ASTN2: variants seen among roughly 807,000 people sequenced by gnomAD.
ASTN2 encodes the protein astrotactin-2.
Under a neutral mutation model 139.8 loss-of-function variants are expected in ASTN2, and 54 were observed. The observed-to-expected ratio is 0.39, with a 90% CI of 0.31 to 0.48. The LOEUF is 0.48. Among genes scored for constraint, ASTN2 ranks in the 20% least tolerant of loss-of-function variants. The pLI is 0.95. For synonymous variants in ASTN2, 756 were observed against 719.5 expected, an observed-to-expected ratio of 1.05 and a Z score of -0.81; for missense variants, 1,565 against 1,725.1, an observed-to-expected ratio of 0.91 and a Z score of 1.64.
chr9:116,951,150 C>G (rs1169976999), intron 10 of ASTN2, among the ~76,000 whole-genome samples: 1 of 151,780 alleles, frequency 6.6e-6, no homozygotes, highest in African/African-American at 2.4e-5. Flanking sequence ...CCACCCTGAC[C>G]AACATGGAGA....
intron 13 of ASTN2, among the ~76,000 whole-genome samples, chr9:116,762,328 C>T (rs990024450): frequency 1.4e-4 from 22 of 152,204 alleles, no homozygotes; most frequent in Non-Finnish European, 8.8e-5. Flanking sequence ...GTTTCCACAT[C>T]TCTGAAATGG....
At chr9:116,529,311 A>C (rs1425361476) in intron 19 of ASTN2, among the ~76,000 whole-genome samples, 1 of 152,052 alleles carries the variant, frequency 6.6e-6, no homozygotes, top group Non-Finnish European at 1.5e-5. Flanking sequence ...TTAAGATTTA[A>C]TGACTGTCCT....
In ASTN2 at chr9:117,095,579, C is replaced by A. The variant is rs189173264; in HGVS notation, c.1276+465G>T. On this transcript the variant is annotated intron_variant, in intron 5 of 22. Coordinates refer to ENST00000313400, the MANE Select transcript of ASTN2 (RefSeq NM_001365068.1). ...CAAATGCTTGATTCTTTCCCATTAACCCTGTACATTTTATTTCTGAGTATG... is the reference window on the plus strand; with the variant it reads ...CAAATGCTTGATTCTTTCCCATTAAACCTGTACATTTTATTTCTGAGTATG... 8.5e-5 allele frequency among the ~76,000 whole-genome samples: 13 copies of A among 152,278 alleles called. No homozygotes were observed. The East Asian group carries it at 2.3e-3, about 27-fold the overall frequency.
chr9:117,249,457 T>C (rs1449680435), intron 2 of ASTN2, among the ~76,000 whole-genome samples: 1 of 152,206 alleles, frequency 6.6e-6, no homozygotes, highest in Non-Finnish European at 1.5e-5. Flanking sequence ...CCATTTAAGA[T>C]CATTTTGCCC....
At chr9:117,372,322 G>A (rs1041377690) in intron 1 of ASTN2, among the ~76,000 whole-genome samples, 2 of 152,122 alleles carry the variant, frequency 1.3e-5, no homozygotes, top group African/African-American at 4.8e-5. Flanking sequence ...AGGAGCCTAA[G>A]TCAATGATCA....
At chr9:117,264,331 T>A (rs1588145027) in intron 2 of ASTN2, among the ~76,000 whole-genome samples, 1 of 152,216 alleles carries the variant, frequency 6.6e-6, no homozygotes, top group East Asian at 1.9e-4. Context: ...ACAGGATTTG[T>A]ATTCAGACAA....
chr9:116,596,039 G>A (rs991970784), intron 19 of ASTN2, among the ~76,000 whole-genome samples: 1 of 152,082 alleles, frequency 6.6e-6, no homozygotes, highest in Non-Finnish European at 1.5e-5. Flanking sequence ...AGTGTGCATC[G>A]ACAAATAAAT....
intron 4 of ASTN2, among the ~76,000 whole-genome samples, chr9:117,130,418 C>CT (rs1358179203): frequency 1.3e-5 from 2 of 152,132 alleles, no homozygotes; most frequent in Non-Finnish European, 2.9e-5. Flanking sequence ...TTATCTTTCA[C>CT]TTTTTCCTTG....
intron 13 of ASTN2, among the ~76,000 whole-genome samples, chr9:116,758,678 C>A (rs1439572182): frequency 1.3e-5 from 2 of 152,130 alleles, no homozygotes; most frequent in Non-Finnish European, 2.9e-5. Flanking sequence ...CACATAGGCA[C>A]TGTATTGGCA....
chr9:117,120,042 A>ATATATATG (rs1403839431), intron 4 of ASTN2, among the ~76,000 whole-genome samples: 1 of 127,304 alleles, frequency 7.9e-6, no homozygotes, highest in Non-Finnish European at 1.7e-5. Context: ...ATATATATAT[A>ATATATATG]TATATATACC....
intron 6 of ASTN2, among the ~76,000 whole-genome samples, chr9:117,016,615 T>TAGG (rs1564385722): frequency 2.5e-4 from 1 of 3,998 alleles, no homozygotes; most frequent in Non-Finnish European, 5.6e-4. Context: ...TATATCTATA[T>TAGG]CTATCTATCT....
At chr9:117,357,779 AT>A (rs1829582671) in intron 1 of ASTN2, among the ~76,000 whole-genome samples, 1 of 152,122 alleles carries the variant, frequency 6.6e-6, no homozygotes, top group African/African-American at 2.4e-5. Context: ...AAGAATGAAA[AT>A]TTACAAACGT....
chr9:117,217,121 A>G (rs867957404), intron 2 of ASTN2, among the ~76,000 whole-genome samples: 1 of 152,138 alleles, frequency 6.6e-6, no homozygotes, highest in Non-Finnish European at 1.5e-5. Context: ...AAGAGAGGGA[A>G]GGGGAGGAGG....
rs140330933 is a variant in ASTN2, at chr9:117,023,864, T to C, written c.1424-15605A>G. On this transcript the variant is annotated intron_variant, in intron 6 of 22. Transcript: ENST00000313400. Reference sequence around the variant, plus strand: ...AAGGAGAGAAGGATGGGGACTGAAATAGGACTGGAGGCCTCTAGATGCCAA... The same window carrying C: ...AAGGAGAGAAGGATGGGGACTGAAACAGGACTGGAGGCCTCTAGATGCCAA... Among the ~76,000 whole-genome samples the C allele has an allele frequency of 3.4e-3, 510 of 152,198 alleles. 4 individuals are homozygous for C. Among genetic ancestry groups the C allele is most frequent in the African/African-American group, 0.012 (496 of 41,536 alleles).
chr9:116,580,962 C>CA (rs1321937558), intron 19 of ASTN2, among the ~76,000 whole-genome samples: 10 of 150,188 alleles, frequency 6.7e-5, no homozygotes, highest in South Asian at 2.1e-4. Context: ...AGACCAACAA[C>CA]AAAAAAAATC....
chr9:117,093,902 T>A (rs1828769253), intron 5 of ASTN2, among the ~76,000 whole-genome samples: 1 of 152,202 alleles, frequency 6.6e-6, no homozygotes, highest in Non-Finnish European at 1.5e-5. Flanking sequence ...TCCTTCCATA[T>A]TCTCTCAGTT....
At position 116,734,057 on chromosome 9, in the gene ASTN2, G is replaced by T. The variant is rs79444742; in HGVS notation, c.2397-534C>A. On this transcript the variant is annotated intron_variant, in intron 13 of 22. Coordinates refer to ENST00000313400, the MANE Select transcript of ASTN2 (RefSeq NM_001365068.1). The stretch of plus-strand genomic sequence containing the variant: ...GGAAAAAATAGATGTTTGTTAAATG[G>T]AAGGGCCCTAAGAGACTTTTTTTTT... Among the ~76,000 whole-genome samples the T allele has an allele frequency of 3.3e-5, 5 of 152,138 alleles. No homozygotes were observed. The East Asian group carries it at 9.7e-4, about 29-fold the overall frequency.
In ASTN2 at chr9:117,244,690, A is replaced by T. The variant is rs530203745; in HGVS notation, c.631-29948T>A. ...GATGGATGGATGGAAGGACAGAAGG[A>T]AGGAGAGAAGGAGAAAGGAAGGAGA... On this transcript the variant is annotated intron_variant, in intron 2 of 22. Coordinates refer to ENST00000313400, the MANE Select transcript of ASTN2 (RefSeq NM_001365068.1). 2.7e-4 allele frequency among the ~76,000 whole-genome samples: 38 copies of T among 138,218 alleles called. 1 individual carries two copies. Among genetic ancestry groups the T allele is most frequent in the Non-Finnish European group, 4.5e-4 (29 of 64,266 alleles). 90.7% of individuals were successfully genotyped at this position (138,218 alleles called of 152,430 possible).
In ASTN2 at chr9:116,994,366, G is replaced by T. The variant is rs181763989; in HGVS notation, c.1591+13726C>A. Among the ~76,000 whole-genome samples the T allele has an allele frequency of 8.9e-4, 135 of 152,278 alleles. 2 individuals carry two copies. The highest frequency in any genetic ancestry group is 3.1e-3 in the African/African-American group (129 of 41,556). ...CACTGGACTAAACACTATTAGGTAAGGCAGTGGATCTGAATTTTCTTCCTG... is the reference window on the plus strand; with the variant it reads ...CACTGGACTAAACACTATTAGGTAATGCAGTGGATCTGAATTTTCTTCCTG... On this transcript the variant is annotated intron_variant, in intron 7 of 22. Transcript: ENST00000313400.
Sources: allele counts gnomAD v4.1 joint callset (sites outside exome capture counted in the v4.1 genomes callset), GRCh38; gene constraint gnomAD v4.1.1; transcripts MANE v1.5; gene names NCBI Gene and HGNC (gene_info 2026-07-23, HGNC 2026-07-21).